ERBB4: variants seen among roughly 807,000 people sequenced by gnomAD.
ERBB4 encodes erb-b2 receptor tyrosine kinase 4.
A neutral mutation model predicts 158.0 loss-of-function variants in ERBB4; 42 were observed. The ratio of observed to expected loss-of-function variants is 0.27; its 90% CI spans 0.21 to 0.34. The LOEUF is 0.34. Ranked by LOEUF, ERBB4 falls within the 10% of genes least tolerant of loss-of-function variation. The pLI, the probability that ERBB4 is intolerant of heterozygous loss-of-function variation, is 1.00. For synonymous variants in ERBB4, 583 were observed against 558.7 expected, an observed-to-expected ratio of 1.04 and a Z score of -0.61; for missense variants, 1,333 against 1,624.1, an observed-to-expected ratio of 0.82 and a Z score of 3.08.
chr2:211,383,192 C>T lies in ERBB4; in HGVS notation c.*423G>A, dbSNP rs1243999762. 2 of 246,540 alleles carry T rather than the reference C, an allele frequency of 8.1e-6. No homozygotes were observed. Among genetic ancestry groups the T allele is most frequent in the African/African-American group, 4.7e-5 (2 of 42,812 alleles). The allele number at this position is 246,540 out of a possible 1,614,324, so 15.3% of individuals were successfully genotyped here. A position where few individuals can be genotyped will look rare whatever the true frequency, so the allele number is the denominator to read the frequency against. ...CCAGGGATGCTAAATATGCACACAT[C>T]AGTTCCTGCAGATAGGAACAGATAG... On this transcript the variant is annotated 3_prime_UTR_variant, in exon 28 of 28. Transcript: ENST00000342788.
At chr2:212,217,623 T>C (rs2083143761) in intron 1 of ERBB4, among the ~76,000 whole-genome samples, 1 of 151,340 alleles carries the variant, frequency 6.6e-6, no homozygotes, top group Admixed American at 6.6e-5. Context: ...GTTCGATTTC[T>C]CACCGTGACA....
intron 4 of ERBB4, among the ~76,000 whole-genome samples, chr2:211,760,980 C>T (rs1207229683): frequency 6.6e-6 from 1 of 151,954 alleles, no homozygotes; most frequent in Non-Finnish European, 1.5e-5. Flanking sequence ...CCGAGGAAGG[C>T]GGATCACGAG....
chr2:212,509,873 C>T (rs1482379), intron 1 of ERBB4, among the ~76,000 whole-genome samples: 1 of 151,834 alleles, frequency 6.6e-6, no homozygotes, highest in African/African-American at 2.4e-5. Flanking sequence ...TAGTGCTTAT[C>T]TAATCCTTAT....
intron 16 of ERBB4, among the ~76,000 whole-genome samples, chr2:211,632,242 T>C (rs1053685205): frequency 1.3e-4 from 20 of 152,086 alleles, no homozygotes; most frequent in Admixed American, 3.9e-4. Flanking sequence ...GGAAAAAAAT[T>C]CTTCATTGTG....
intron 20 of ERBB4, among the ~76,000 whole-genome samples, chr2:211,550,565 A>G (rs1402636307): frequency 7.1e-6 from 1 of 141,406 alleles, no homozygotes; most frequent in Non-Finnish European, 1.5e-5. Context: ...TCATGAGCTC[A>G]TTCCTTAGAA....
chr2:211,881,418 C>T (rs2078657835), intron 3 of ERBB4, among the ~76,000 whole-genome samples: 1 of 152,152 alleles, frequency 6.6e-6, no homozygotes, highest in Non-Finnish European at 1.5e-5. Context: ...AAGCTTGAAG[C>T]TTGCACGGGG....
intron 4 of ERBB4, among the ~76,000 whole-genome samples, chr2:211,753,069 A>G (rs1365875115): frequency 6.6e-6 from 1 of 152,224 alleles, no homozygotes; most frequent in East Asian, 1.9e-4. Flanking sequence ...TTACTCTTCA[A>G]AATGGTGCAA....
rs2063752360 is a variant in ERBB4, at chr2:211,431,732, T to C, written c.2488-632A>G. On this transcript the variant is annotated intron_variant, in intron 20 of 27. Coordinates refer to ENST00000342788, the MANE Select transcript of ERBB4 (RefSeq NM_005235.3). ...TATCAGTAGTCATTATGAGAATCCA[T>C]AGTGAAATTACACAGTTTGTAATGA... is the stretch of plus-strand genomic sequence containing the variant. Among the ~76,000 whole-genome samples the C allele has an allele frequency of 3.9e-5, 6 of 152,292 alleles. No individual in the cohort carries two copies. In the South Asian group the frequency reaches 1.0e-3, roughly 26 times the overall value.
chr2:212,465,955 A>C lies in ERBB4; in HGVS notation c.82+72494T>G, dbSNP rs1688810844. On this transcript the variant is annotated intron_variant, in intron 1 of 27. Coordinates refer to ENST00000342788, the MANE Select transcript of ERBB4 (RefSeq NM_005235.3). ...AAGTAACACAATAGCTAATAAGTTAAGCTCTGTGTTCTGACGGCAAATAAT... is the reference window on the plus strand; with the variant it reads ...AAGTAACACAATAGCTAATAAGTTACGCTCTGTGTTCTGACGGCAAATAAT... 2.0e-5 allele frequency among the ~76,000 whole-genome samples: 3 copies of C among 152,216 alleles called. No individual in the cohort carries two copies. In the South Asian group the frequency reaches 6.2e-4, roughly 32 times the overall value.
chr2:212,286,937 G>C (rs372021014), intron 1 of ERBB4, among the ~76,000 whole-genome samples: 1 of 151,318 alleles, frequency 6.6e-6, no homozygotes, highest in East Asian at 1.9e-4. Context: ...ATATCCTAAA[G>C]CGCAAGAGGC....
At chr2:211,619,897 T>C (rs1382452564) in intron 18 of ERBB4, among the ~76,000 whole-genome samples, 1 of 152,198 alleles carries the variant, frequency 6.6e-6, no homozygotes, top group African/African-American at 2.4e-5. Flanking sequence ...TGTATATGTG[T>C]GTGCGTGAAG....
intron 1 of ERBB4, among the ~76,000 whole-genome samples, chr2:212,531,011 G>C (rs1692726653): frequency 6.6e-6 from 1 of 151,958 alleles, no homozygotes; most frequent in Non-Finnish European, 1.5e-5. Flanking sequence ...TATTCCTATT[G>C]GTGTTTAGTA....
intron 1 of ERBB4, among the ~76,000 whole-genome samples, chr2:212,394,444 C>T (rs762761536): frequency 2.6e-5 from 4 of 151,810 alleles, no homozygotes; most frequent in Non-Finnish European, 5.9e-5. Flanking sequence ...GTAAATAAGG[C>T]CTCAGATATA....
At chr2:212,127,321 A>G (rs767389959) in intron 1 of ERBB4, among the ~76,000 whole-genome samples, 8 of 152,208 alleles carry the variant, frequency 5.3e-5, no homozygotes, top group Non-Finnish European at 8.8e-5. Context: ...TGCTGGGTGC[A>G]GCGGCTCATG....
At chr2:211,644,946 T>A (rs2070730793) in intron 16 of ERBB4, among the ~76,000 whole-genome samples, 1 of 151,898 alleles carries the variant, frequency 6.6e-6, no homozygotes, top group South Asian at 2.1e-4. Context: ...GCCAATTGAG[T>A]TTATGCAAAA....
intron 2 of ERBB4, among the ~76,000 whole-genome samples, chr2:212,051,240 C>T (rs1013858722): frequency 3.3e-5 from 5 of 152,004 alleles, no homozygotes; most frequent in Non-Finnish European, 7.4e-5. Flanking sequence ...TATTGACATA[C>T]AAATCATTTA....
chr2:211,780,931 T>C (rs770804033), intron 4 of ERBB4, among the ~76,000 whole-genome samples: 2 of 152,250 alleles, frequency 1.3e-5, no homozygotes, highest in Non-Finnish European at 1.5e-5. Flanking sequence ...AAAATATCTT[T>C]TGAAAACAGT....
At chr2:212,486,048 A>G (rs1235133323) in intron 1 of ERBB4, among the ~76,000 whole-genome samples, 1 of 152,110 alleles carries the variant, frequency 6.6e-6, no homozygotes, top group Non-Finnish European at 1.5e-5. Context: ...CAGTAATCAC[A>G]CTACTACTCA....
At chr2:212,352,245 A>G (rs1299801613) in intron 1 of ERBB4, among the ~76,000 whole-genome samples, 2 of 151,988 alleles carry the variant, frequency 1.3e-5, no homozygotes, top group Non-Finnish European at 2.9e-5. Context: ...TGATGAAATA[A>G]TCTGTACATC....
Sources: allele counts gnomAD v4.1 joint callset (sites outside exome capture counted in the v4.1 genomes callset), GRCh38; gene constraint gnomAD v4.1.1; transcripts MANE v1.5; gene names NCBI Gene and HGNC (gene_info 2026-07-23, HGNC 2026-07-21).